TMC2: variants seen among roughly 807,000 people sequenced by gnomAD.
TMC2 encodes transmembrane channel-like protein 2.
In TMC2, 102 loss-of-function variants were observed where a neutral mutation model predicts 105.9. That is an observed-to-expected ratio of 0.96 (90% CI 0.82 to 1.14). TMC2 has a LOEUF of 1.14. Ranked by LOEUF, TMC2 falls within the 50% of genes most tolerant of loss-of-function variation. The probability of loss-of-function intolerance (pLI) is 0.00; values close to 1 mark genes in which losing one functional copy is unlikely to be tolerated. For synonymous variants in TMC2, 402 were observed against 422.8 expected, an observed-to-expected ratio of 0.95 and a Z score of 0.60; for missense variants, 1,093 against 1,134.3, an observed-to-expected ratio of 0.96 and a Z score of 0.52.
intron 1 of TMC2, 49 bp from the exon 2 acceptor site, chr20:2,537,220 G>T: frequency 6.4e-7 from 1 of 1,551,566 alleles, no homozygotes; most frequent in African/African-American, 1.4e-5. Context: ...CTGCAGGGAG[G>T]GGGACTCACC....
At chr20:2,602,325 C>A in intron 11 of TMC2, 24 bp downstream of exon 11, 1 of 1,528,420 alleles carries the variant, frequency 6.5e-7, no homozygotes, top group South Asian at 1.3e-5. Context: ...CGCTGATGAA[C>A]TGAAGGTTGA....
rs773582819 is a variant in TMC2 at position 2,602,217 on chromosome 20, A to C, written c.1329A>C (p.Gly443=). ...ANFLIICCLC[G]SGYLIYFVVK... ...TTCTCATCATCTGCTGTTTGTGTGG[A>C]AGTGGGTACCTCATTTACTTTGTGG... The change falls in exon 11 of 20, where the codon GGA becomes GGC. Residue 443 remains glycine, a synonymous_variant. Coordinates refer to ENST00000358864, the MANE Select transcript of TMC2 (RefSeq NM_080751.3). 33 of 1,613,658 alleles carry C rather than the reference A, an allele frequency of 2.0e-5. No homozygotes were observed. The highest frequency in any genetic ancestry group is 4.0e-5 in the African/African-American group (3 of 74,910).
In TMC2 at chr20:2,558,723, A is replaced by G; in HGVS notation, c.350A>G (p.Glu117Gly). The change falls in exon 3 of 20, where the codon GAA (glutamate) becomes GGA (glycine). Residue 117 changes from glutamate (E) to glycine (G), a missense_variant. By Grantham distance (98) the Glu-to-Gly change is moderately conservative. Transcript: ENST00000358864. This position sits in a 1 kb window ranked among gnomAD's most constrained non-coding sequence, Gnocchi z 4.6. ...GAGCGGACAGCAGCCCCAAAGAGGGAAAAGGAGATTCCGAGGAGGGAGGAG... is the reference window on the plus strand; with the variant it reads ...GAGCGGACAGCAGCCCCAAAGAGGGGAAAGGAGATTCCGAGGAGGGAGGAG... ...FQERTAAPKR[E>G]KEIPRREEKS... 1 of 1,591,572 alleles carries G rather than the reference A, an allele frequency of 6.3e-7. No homozygotes were observed. The highest frequency in any genetic ancestry group is 8.6e-7 in the Non-Finnish European group (1 of 1,169,418).
rs75595774 is a variant in TMC2 at position 2,641,113 on chromosome 20, T to G, written c.2504-21T>G. 1,563 of 1,609,976 alleles carry G rather than the reference T, an allele frequency of 9.7e-4. 16 individuals carry two copies. The African/African-American group carries it at 0.019, about 19-fold the overall frequency. On this transcript the variant is annotated intron_variant, in intron 19 of 19. Transcript: ENST00000358864. ...TACAAAATCTCCCACTTCCTCTTTC[T>G]TGTCTTGGTTCGTTTTCCAGAGACC...
intron 14 of TMC2, 167 bp downstream of exon 14, chr20:2,613,489 AT>A: frequency 1.0e-6 from 1 of 971,748 alleles, no homozygotes; most frequent in East Asian, 2.8e-5. Context: ...TAAGGGTCCT[AT>A]TTGCCTTCAT....
At chr20:2,640,236 T>C (rs1345822487) in intron 19 of TMC2, among the ~76,000 whole-genome samples, 1 of 152,160 alleles carries the variant, frequency 6.6e-6, no homozygotes, top group Non-Finnish European at 1.5e-5. Flanking sequence ...CCTCAAGTGA[T>C]CCGCCTCAAA....
chr20:2,536,580 C>G lies in TMC2; in HGVS notation c.-42C>G, dbSNP rs74317942. 4 of 1,556,322 alleles carry G rather than the reference C, an allele frequency of 2.6e-6. No individual in the cohort carries two copies. The African/African-American group carries it at 4.1e-5, about 16-fold the overall frequency. On this transcript the variant is annotated 5_prime_UTR_variant, in exon 1 of 20. Coordinates refer to ENST00000358864, the MANE Select transcript of TMC2 (RefSeq NM_080751.3). ...GGCTGAAGGCGTGCATACAGGAGCA[C>G]GCTGCGTGAGCCTGTGCAGGACCCC...
At chr20:2,638,328 G>GCC (rs1230990354) in intron 19 of TMC2, among the ~76,000 whole-genome samples, 1 of 108,884 alleles carries the variant, frequency 9.2e-6, no homozygotes, top group Non-Finnish European at 1.9e-5. Context: ...CTGCACTCCA[G>GCC]CCTGGGCAAC....
chr20:2,547,726 G>T (rs1417945762), intron 2 of TMC2, among the ~76,000 whole-genome samples: 1 of 152,072 alleles, frequency 6.6e-6, no homozygotes, highest in Non-Finnish European at 1.5e-5. Context: ...ATAACATTTG[G>T]CTACTCATTT....
chr20:2,623,464 G>A (rs1210276107), intron 16 of TMC2, among the ~76,000 whole-genome samples: 3 of 151,914 alleles, frequency 2.0e-5, no homozygotes, highest in South Asian at 2.1e-4. Flanking sequence ...GCTTGAATCC[G>A]GGGGTGGAGG....
chr20:2,573,630 G>C (rs958277125), intron 5 of TMC2, among the ~76,000 whole-genome samples: 6 of 143,668 alleles, frequency 4.2e-5, no homozygotes, highest in Non-Finnish European at 7.5e-5. Context: ...GCGCGACCTC[G>C]GCTCACTGCG....
At chr20:2,639,049 CCAT>C (rs2086669703) in intron 19 of TMC2, among the ~76,000 whole-genome samples, 1 of 152,124 alleles carries the variant, frequency 6.6e-6, no homozygotes, top group South Asian at 2.1e-4. Flanking sequence ...GTGCCCACCA[CCAT>C]GCCTGGCTAA....
chr20:2,562,362 C>T (rs981621051), intron 4 of TMC2, among the ~76,000 whole-genome samples: 1 of 152,264 alleles, frequency 6.6e-6, no homozygotes. Flanking sequence ...GACCCCTTCT[C>T]CTCAAGAGCA....
At chr20:2,619,539 C>A (rs2086509562) in intron 16 of TMC2, among the ~76,000 whole-genome samples, 1 of 152,184 alleles carries the variant, frequency 6.6e-6, no homozygotes, top group Admixed American at 6.5e-5. Flanking sequence ...AAATGCTGAT[C>A]CGGTCTTTCT....
chr20:2,632,427 C>T (rs1013031276), intron 17 of TMC2, among the ~76,000 whole-genome samples: 1 of 152,014 alleles, frequency 6.6e-6, no homozygotes, highest in Non-Finnish European at 1.5e-5. Flanking sequence ...GTTCTTTGAT[C>T]ATATTCTTTG....
intron 11 of TMC2, among the ~76,000 whole-genome samples, chr20:2,607,664 G>A (rs1028147616): frequency 6.6e-6 from 1 of 152,202 alleles, no homozygotes; most frequent in South Asian, 2.1e-4. Context: ...CTCTCATCCA[G>A]ACATGAACTC....
chr20:2,551,075 G>A (rs142032377), intron 2 of TMC2, among the ~76,000 whole-genome samples: 117 of 152,330 alleles, frequency 7.7e-4, no homozygotes, highest in Non-Finnish European at 9.8e-4. Flanking sequence ...GTTTTCCAAA[G>A]TAGCTGTACC....
intron 2 of TMC2, among the ~76,000 whole-genome samples, chr20:2,537,605 A>G (rs2085858713): frequency 6.6e-6 from 1 of 151,824 alleles, no homozygotes; most frequent in African/African-American, 2.4e-5. Context: ...AGGGCAGGGA[A>G]GCTCGGTGCA....
chr20:2,614,709 A>G (rs2086467304), intron 14 of TMC2, among the ~76,000 whole-genome samples: 1 of 152,176 alleles, frequency 6.6e-6, no homozygotes, highest in African/African-American at 2.4e-5. Flanking sequence ...TCAATGGAAC[A>G]GAATAGAAAG....
Sources: gnomAD v4.1 joint callset for allele counts (sites outside exome capture counted in the v4.1 genomes callset) on GRCh38, gnomAD v4.1.1 for gene constraint, Gnocchi (gnomAD v3.1) non-coding constraint, MANE v1.5 for transcripts, NCBI Gene and HGNC (gene_info 2026-07-23, HGNC 2026-07-21) for gene names.